STAU2: variants seen among roughly 807,000 people sequenced by gnomAD.
STAU2 encodes double-stranded RNA-binding protein Staufen homolog 2.
In STAU2, 20 loss-of-function variants were observed where a neutral mutation model predicts 65.9. The ratio of observed to expected loss-of-function variants is 0.30; its 90% CI spans 0.21 to 0.44. The LOEUF (loss-of-function observed/expected upper bound fraction) is 0.44, where lower values mean the gene tolerates loss of function less well. Ranked by LOEUF, STAU2 falls within the 20% of genes least tolerant of loss-of-function variation. STAU2 has a pLI of 1.00. For synonymous variants in STAU2, 232 were observed against 233.9 expected (o/e 0.99, Z 0.07); for missense variants, 558 against 683.9 (o/e 0.82, Z 2.05).
At chr8:73,438,071 T>A (rs938697233) in intron 13 of STAU2, among the ~76,000 whole-genome samples, 2 of 152,186 alleles carry the variant, frequency 1.3e-5, no homozygotes, top group African/African-American at 4.8e-5. Context: ...GCTCCAGGTC[T>A]CAGCTCCAGG....
intron 13 of STAU2, chr8:73,551,184 G>A (rs1327651058): frequency 1.0e-6 from 1 of 987,392 alleles, no homozygotes; most frequent in Non-Finnish European, 1.2e-6. Context: ...CCTTCCTAGA[G>A]TTTACAATTC....
At chr8:73,449,530 G>A (rs1218137347) in intron 13 of STAU2, among the ~76,000 whole-genome samples, 1 of 152,198 alleles carries the variant, frequency 6.6e-6, no homozygotes, top group African/African-American at 2.4e-5. Flanking sequence ...TTACAGAGGT[G>A]GGGGCACAAT....
chr8:73,612,216 A>C (rs891562705), intron 9 of STAU2, among the ~76,000 whole-genome samples: 2 of 152,218 alleles, frequency 1.3e-5, no homozygotes, highest in Admixed American at 1.3e-4. Context: ...CCAATAGTTA[A>C]TATGTGTTAT....
intron 13 of STAU2, among the ~76,000 whole-genome samples, chr8:73,547,145 A>G (rs1341401288): frequency 6.6e-6 from 1 of 152,198 alleles, no homozygotes; most frequent in Non-Finnish European, 1.5e-5. Flanking sequence ...CAGTGTTTGT[A>G]TATTACTTAG....
chr8:73,709,891 A>G (rs532929840), intron 3 of STAU2, among the ~76,000 whole-genome samples: 1 of 152,046 alleles, frequency 6.6e-6, no homozygotes, highest in Non-Finnish European at 1.5e-5. Context: ...GTATTATAGC[A>G]TTATAATAAA....
At chr8:73,488,494 T>C (rs919267909) in intron 13 of STAU2, among the ~76,000 whole-genome samples, 1 of 151,932 alleles carries the variant, frequency 6.6e-6, no homozygotes, top group African/African-American at 2.4e-5. Context: ...CCAATTAAGC[T>C]ATAACTTTAA....
intron 13 of STAU2, among the ~76,000 whole-genome samples, chr8:73,489,789 G>C (rs1821074658): frequency 2.0e-5 from 3 of 152,048 alleles, no homozygotes; most frequent in Non-Finnish European, 1.5e-5. Flanking sequence ...ACCTCAGTGA[G>C]GCTGAGAGTT....
At chr8:73,604,332 G>A (rs1174216789) in intron 9 of STAU2, among the ~76,000 whole-genome samples, 1 of 152,090 alleles carries the variant, frequency 6.6e-6, no homozygotes, top group Non-Finnish European at 1.5e-5. Context: ...GGGTTCAAGC[G>A]ATTCTCGTGC....
chr8:73,693,248 C>T (rs189619867), intron 4 of STAU2, among the ~76,000 whole-genome samples: 21 of 152,152 alleles, frequency 1.4e-4, no homozygotes, highest in Admixed American at 9.2e-4. Context: ...CCGAGGCGGG[C>T]GGATCACGAG....
chr8:73,724,675 G>A (rs1273289841), intron 3 of STAU2, among the ~76,000 whole-genome samples: 1 of 138,126 alleles, frequency 7.2e-6, no homozygotes, highest in African/African-American at 2.7e-5. Context: ...GTGTGTGTGT[G>A]TATATATATA....
At chr8:73,551,767 A>C (rs1391955080) in intron 13 of STAU2, 1 of 1,160,528 alleles carries the variant, frequency 8.6e-7, no homozygotes, top group Non-Finnish European at 1.1e-6. Flanking sequence ...AAAAATGCTT[A>C]AAAAAGAAGA....
At chr8:73,605,886 C>CACAT (rs1563453207) in intron 9 of STAU2, among the ~76,000 whole-genome samples, 3 of 121,672 alleles carry the variant, frequency 2.5e-5, no homozygotes, top group East Asian at 4.0e-4. Flanking sequence ...CATACACACA[C>CACAT]ACACACACAC....
At chr8:73,730,686 C>T (rs539195335) in intron 3 of STAU2, among the ~76,000 whole-genome samples, 1 of 128,898 alleles carries the variant, frequency 7.8e-6, no homozygotes, top group Non-Finnish European at 1.5e-5. Context: ...AAGATGGAGA[C>T]ATTGCACTCT....
chr8:73,619,301 GACC>G, intron 6 of STAU2, among the ~76,000 whole-genome samples: 1 of 152,148 alleles, frequency 6.6e-6, no homozygotes, highest in East Asian at 1.9e-4. Flanking sequence ...TGAGAAATAT[GACC>G]ACTGAATTGA....
intron 13 of STAU2, among the ~76,000 whole-genome samples, chr8:73,504,612 G>A (rs1821954404): frequency 6.6e-6 from 1 of 151,978 alleles, no homozygotes; most frequent in Non-Finnish European, 1.5e-5. Context: ...CTCTCTGGCA[G>A]CTTACTTTTG....
intron 3 of STAU2, among the ~76,000 whole-genome samples, chr8:73,724,214 CATT>C (rs745818257): frequency 3.4e-4 from 52 of 152,090 alleles, no homozygotes; most frequent in Non-Finnish European, 6.6e-4. Context: ...ATGTCTTAAT[CATT>C]GTTGTTTCTA....
intron 13 of STAU2, among the ~76,000 whole-genome samples, chr8:73,547,360 CAG>C (rs1807005056): frequency 6.9e-6 from 1 of 145,134 alleles, no homozygotes; most frequent in Admixed American, 6.9e-5. Context: ...TTTTTTTTTA[CAG>C]GGTTTAAAAT....
At chr8:73,679,046 A>T (rs1818209664) in intron 5 of STAU2, among the ~76,000 whole-genome samples, 1 of 152,212 alleles carries the variant, frequency 6.6e-6, no homozygotes, top group African/African-American at 2.4e-5. Flanking sequence ...AACCTCCATA[A>T]CAAAAATATC....
intron 13 of STAU2, among the ~76,000 whole-genome samples, chr8:73,513,036 T>C (rs1177150365): frequency 6.6e-6 from 1 of 152,238 alleles, no homozygotes; most frequent in Non-Finnish European, 1.5e-5. Flanking sequence ...AGCTTCTGCT[T>C]CCATTCACTG....
Sources: gnomAD v4.1 joint callset for allele counts (sites outside exome capture counted in the v4.1 genomes callset) on GRCh38, gnomAD v4.1.1 for gene constraint, MANE v1.5 for transcripts, NCBI Gene and HGNC (gene_info 2026-07-23, HGNC 2026-07-21) for gene names.